The following NBAS variants were observed in gnomAD, a reference collection of about 807,000 sequenced individuals.
NBAS encodes the protein NAG/BC035112 fusion.
A neutral mutation model predicts 302.5 loss-of-function variants in NBAS; 219 were observed. The ratio of observed to expected loss-of-function variants is 0.72; its 90% CI spans 0.65 to 0.81. The LOEUF (loss-of-function observed/expected upper bound fraction) is 0.81, where lower values mean the gene tolerates loss of function less well. Ranked by LOEUF, NBAS falls within the 30% of genes least tolerant of loss-of-function variation. The pLI is 0.00. For synonymous variants in NBAS, 1,118 were observed against 1,021.6 expected, an observed-to-expected ratio of 1.09 and a Z score of -1.80; for missense variants, 2,932 against 2,841.6, an observed-to-expected ratio of 1.03 and a Z score of -0.72.
the NBAS span, among the ~76,000 whole-genome samples, chr2:14,971,272 T>G: frequency 6.6e-6 from 1 of 152,040 alleles, no homozygotes; most frequent in Admixed American, 6.6e-5. Context: ...ATCACATCAC[T>G]TTGGGAGGCT....
intron 9 of NBAS, among the ~76,000 whole-genome samples, chr2:15,523,740 G>A (rs186625256): frequency 1.7e-3 from 266 of 152,060 alleles, no homozygotes; most frequent in Non-Finnish European, 3.4e-3. Context: ...TTGGTGAACC[G>A]CTGTCTCTAC....
the NBAS span, among the ~76,000 whole-genome samples, chr2:14,906,737 T>C: frequency 2.0e-5 from 3 of 152,172 alleles, no homozygotes; most frequent in Non-Finnish European, 4.4e-5. Flanking sequence ...TCCATTATTC[T>C]CCGATTTTTC....
intron 11 of NBAS, among the ~76,000 whole-genome samples, chr2:15,499,493 C>G (rs185179092): frequency 9.2e-5 from 14 of 152,162 alleles, no homozygotes; most frequent in African/African-American, 3.4e-4. Context: ...CCTTAGAAAA[C>G]TAATGCAGGA....
At chr2:14,908,520 C>T in the NBAS span, among the ~76,000 whole-genome samples, 49 of 152,178 alleles carry the variant, frequency 3.2e-4, no homozygotes, top group African/African-American at 1.1e-3. Flanking sequence ...GTTTGCTTAA[C>T]TTTCATTGTA....
chr2:15,471,946 C>T (rs2148581257), intron 16 of NBAS, among the ~76,000 whole-genome samples: 5 of 152,324 alleles, frequency 3.3e-5, no homozygotes, highest in Middle Eastern at 6.8e-3. Context: ...ACCACATAGT[C>T]TGATATTTTT....
At chr2:14,844,539 T>A in the NBAS span, among the ~76,000 whole-genome samples, 1 of 152,194 alleles carries the variant, frequency 6.6e-6, no homozygotes, top group Non-Finnish European at 1.5e-5. Flanking sequence ...TAAAGGGGAC[T>A]TTGTTTTGCA....
At chr2:15,417,932 A>T (rs1677027572) in intron 23 of NBAS, among the ~76,000 whole-genome samples, 2 of 152,182 alleles carry the variant, frequency 1.3e-5, no homozygotes, top group Non-Finnish European at 2.9e-5. Context: ...AGCAAGAAAT[A>T]CGGAAGAGAA....
At chr2:15,476,573 T>C (rs1972600) in intron 13 of NBAS, among the ~76,000 whole-genome samples, 94,126 of 151,606 alleles carry the variant, frequency 0.62, 29,973 homozygotes, top group Non-Finnish European at 0.68. Flanking sequence ...ATACAAAAAT[T>C]AGCCAGGCAT....
At chr2:15,368,251 G>A (rs1275377160) in intron 31 of NBAS, among the ~76,000 whole-genome samples, 6 of 139,296 alleles carry the variant, frequency 4.3e-5, no homozygotes, top group Non-Finnish European at 9.0e-5. Context: ...CCAGGCTGGA[G>A]TGCAGTGGCG....
chr2:15,253,816 C>A (rs1177703618), intron 44 of NBAS, among the ~76,000 whole-genome samples: 1 of 152,158 alleles, frequency 6.6e-6, no homozygotes, highest in Non-Finnish European at 1.5e-5. Context: ...ATGGAGACCA[C>A]CTTTGCAAAA....
At chr2:15,048,225 C>T in the NBAS span, among the ~76,000 whole-genome samples, 1 of 152,234 alleles carries the variant, frequency 6.6e-6, no homozygotes, top group Non-Finnish European at 1.5e-5. Context: ...GACAGCAAGG[C>T]TGGGGAGGCA....
intron 45 of NBAS, among the ~76,000 whole-genome samples, chr2:15,237,589 T>C (rs2147942050): frequency 6.7e-6 from 1 of 148,616 alleles, no homozygotes; most frequent in African/African-American, 2.5e-5. Context: ...TTTATTTATT[T>C]ATTTATTTAT....
intron 21 of NBAS, among the ~76,000 whole-genome samples, chr2:15,441,789 T>G (rs1678425427): frequency 6.6e-6 from 1 of 151,752 alleles, no homozygotes; most frequent in Non-Finnish European, 1.5e-5. Context: ...AAACATAGGC[T>G]CAAAATAAAA....
intron 6 of NBAS, among the ~76,000 whole-genome samples, chr2:15,545,990 A>G (rs1258858353): frequency 6.6e-6 from 1 of 152,234 alleles, no homozygotes; most frequent in Non-Finnish European, 1.5e-5. Context: ...CAAGTTTATA[A>G]GCATTTCCTG....
chr2:14,985,857 G>T, the NBAS span, among the ~76,000 whole-genome samples: 1 of 152,120 alleles, frequency 6.6e-6, no homozygotes, highest in African/African-American at 2.4e-5. Context: ...ATTCTGAAAA[G>T]GTATGTGAAA....
chr2:15,245,530 CTTA>C, intron 44 of NBAS, among the ~76,000 whole-genome samples: 1 of 152,220 alleles, frequency 6.6e-6, no homozygotes, highest in African/African-American at 2.4e-5. Flanking sequence ...GCTTCTATTG[CTTA>C]TTGTTTGTCA....
intron 51 of NBAS, among the ~76,000 whole-genome samples, chr2:15,168,732 C>A (rs113616974): frequency 6.6e-6 from 1 of 152,212 alleles, no homozygotes. Flanking sequence ...TGGGTTCAAG[C>A]GGTTCTCCTG....
intron 49 of NBAS, among the ~76,000 whole-genome samples, chr2:15,188,548 A>C (rs1665193731): frequency 6.6e-6 from 1 of 152,218 alleles, no homozygotes; most frequent in African/African-American, 2.4e-5. Flanking sequence ...GGGGGTGAGC[A>C]GACTGGGAAA....
intron 47 of NBAS, among the ~76,000 whole-genome samples, chr2:15,224,398 C>T (rs1558452587): frequency 6.6e-6 from 1 of 152,168 alleles, no homozygotes; most frequent in Non-Finnish European, 1.5e-5. Context: ...AGCAGAACTA[C>T]ATTCAAGCAA....
Sources: allele counts gnomAD v4.1 joint callset (sites outside exome capture counted in the v4.1 genomes callset), GRCh38; gene constraint gnomAD v4.1.1; transcripts MANE v1.5; gene names NCBI Gene and HGNC (gene_info 2026-07-23, HGNC 2026-07-21).